Variants in FHDC1 observed in about 807,000 individuals in gnomAD.
FHDC1 encodes FH2 domain containing 1, also known as FH2 domain-containing protein 1.
Under a neutral mutation model 52.6 loss-of-function variants are expected in FHDC1, and 25 were observed. The ratio of observed to expected loss-of-function variants is 0.48; its 90% CI spans 0.35 to 0.66. FHDC1 has a LOEUF of 0.66. FHDC1 is among the 30% of genes least tolerant of loss of function. FHDC1 has a pLI of 0.01. For missense variants in FHDC1, 1,459 were observed against 1,452.8 expected (o/e 1.00, Z -0.07); for synonymous variants, 616 against 581.5 (o/e 1.06, Z -0.85).
intron 8 of FHDC1, 44 bp from the exon 9 acceptor site, chr4:152,964,861 C>T: frequency 2.0e-6 from 3 of 1,498,378 alleles, no homozygotes; most frequent in Non-Finnish European, 2.7e-6. Context: ...TATTTCCTTC[C>T]AGTTTTATCA....
chr4:152,942,940 A>G lies in FHDC1; in HGVS notation c.-118A>G. Reference sequence around the variant, plus strand: ...TTTATCTTGCTAGGTTTGGAAGAGGACAGTTGCCCTTTATTCTGGCGGCAG... The same window carrying G: ...TTTATCTTGCTAGGTTTGGAAGAGGGCAGTTGCCCTTTATTCTGGCGGCAG... On this transcript the variant is annotated 5_prime_UTR_variant, in exon 2 of 12. Transcript: ENST00000511601. 11 of 1,079,814 alleles carry G rather than the reference A, an allele frequency of 1.0e-5. No homozygotes were observed. The highest frequency in any genetic ancestry group is 1.5e-5 in the Non-Finnish European group (11 of 746,136). 66.9% of individuals were successfully genotyped at this position (1,079,814 alleles called of 1,614,324 possible).
At chr4:152,953,183 T>C (rs947890800) in intron 2 of FHDC1, among the ~76,000 whole-genome samples, 2 of 152,094 alleles carry the variant, frequency 1.3e-5, no homozygotes, top group African/African-American at 4.8e-5. Context: ...AAACTCATAG[T>C]AAACTTGAAA....
In FHDC1 at chr4:152,963,769, GTTTTTTTTTTTTTTTTT is replaced by G. The variant is rs58783965; in HGVS notation, c.1029+657_1029+673del. Among the ~76,000 whole-genome samples the G allele has an allele frequency of 4.7e-3, 243 of 51,808 alleles. 2 individuals are homozygous for G. Among genetic ancestry groups the G allele is most frequent in the African/African-American group, 0.015 (230 of 15,450 alleles). The allele number at this position is 51,808 out of a possible 152,430, so 34.0% of individuals were successfully genotyped here. ...GGAGTCTGATCCTATCCATTGCTTT[GTTTTTTTTTTTTTTTTT>G]TTTTTTTTTTTTTTTTTGACTGGAT... On this transcript the variant is annotated intron_variant, in intron 8 of 11. Coordinates refer to ENST00000511601, the MANE Select transcript of FHDC1 (RefSeq NM_001371116.1).
At chr4:152,953,430 AT>A in intron 2 of FHDC1, 68 bp from the exon 3 acceptor site, 1 of 1,304,014 alleles carries the variant, frequency 7.7e-7, no homozygotes, top group Admixed American at 1.8e-5. Flanking sequence ...ATCGGTTTTA[AT>A]TATCTTCTTT....
chr4:152,943,447 T>A lies in FHDC1; in HGVS notation c.390T>A (p.Asp130Glu). The A allele has an allele frequency of 6.2e-7, 1 of 1,614,082 alleles. No homozygotes were observed. The highest frequency in any genetic ancestry group is 8.5e-7 in the Non-Finnish European group (1 of 1,180,006). Reference protein sequence around the residue: ...AARQEHHYQIDTKTIEELFGQ... With the variant: ...AARQEHHYQIETKTIEELFGQ... ...GGCAGGAACATCACTACCAAATTGATACAAAGACCATTGAGGAGCTCTTTG... is the reference window on the plus strand; with the variant it reads ...GGCAGGAACATCACTACCAAATTGAAACAAAGACCATTGAGGAGCTCTTTG... The change falls in exon 2 of 12, where the codon GAT (aspartate) becomes GAA (glutamate). Residue 130 changes from aspartate to glutamate, a missense_variant. Physicochemically the swap from Asp to Glu is conservative, Grantham distance 45. This residue lies in a region of FHDC1 where 513 missense variants were observed against 581.5 expected (regional missense o/e 0.88). Transcript: ENST00000511601.
intron 1 of FHDC1, among the ~76,000 whole-genome samples, chr4:152,940,626 C>T (rs1021508919): frequency 6.6e-6 from 1 of 152,220 alleles, no homozygotes; most frequent in African/African-American, 2.4e-5. Flanking sequence ...ATATACAGCA[C>T]TGAATGAGTT....
the FHDC1 span, chr4:152,927,730 A>G: frequency 1.4e-6 from 2 of 1,463,470 alleles, no homozygotes; most frequent in East Asian, 4.5e-5. Flanking sequence ...AGGTTTCTCG[A>G]CAGCAGGAAC....
At chr4:152,943,824 T>G (rs1323251387) in intron 2 of FHDC1, among the ~76,000 whole-genome samples, 3 of 152,116 alleles carry the variant, frequency 2.0e-5, no homozygotes, top group Non-Finnish European at 4.4e-5. Flanking sequence ...ACTGCCCCTA[T>G]CTCTAGCACA....
At chr4:152,918,832 G>A in the FHDC1 span, among the ~76,000 whole-genome samples, 9 of 152,300 alleles carry the variant, frequency 5.9e-5, no homozygotes, top group East Asian at 1.5e-3. Flanking sequence ...TTAACTCACT[G>A]GTACTATCAA....
chr4:152,934,271 A>T (rs984182004), upstream of FHDC1, among the ~76,000 whole-genome samples: 2 of 152,244 alleles, frequency 1.3e-5, no homozygotes, highest in Non-Finnish European at 2.9e-5. Flanking sequence ...AGGAAAAGCT[A>T]GGATTTCAAA....
intron 1 of FHDC1, among the ~76,000 whole-genome samples, chr4:152,941,973 T>C (rs1431396161): frequency 1.3e-5 from 2 of 152,162 alleles, no homozygotes; most frequent in East Asian, 3.8e-4. Flanking sequence ...AATTTAGTAG[T>C]TTTGACCTCT....
chr4:152,956,188 T>C (rs1740079258), intron 4 of FHDC1, among the ~76,000 whole-genome samples: 1 of 152,224 alleles, frequency 6.6e-6, no homozygotes, highest in South Asian at 2.1e-4. Context: ...TTTAAAATGA[T>C]GTACTTGCTC....
rs746800334 is a variant in FHDC1 at position 152,976,624 on chromosome 4, C to G, written c.3333C>G (p.Ala1111=). 2 of 1,607,548 alleles carry G rather than the reference C, an allele frequency of 1.2e-6. No individual in the cohort carries two copies. The change falls in exon 12 of 12, where the codon GCC becomes GCG. Residue 1111 remains alanine (A), a synonymous_variant. Coordinates refer to ENST00000511601, the MANE Select transcript of FHDC1 (RefSeq NM_001371116.1). ...SAEGPSANTE[A]PLKARGAGER... is the part of the protein sequence containing the mutation. ...AGGGTCCCAGTGCCAACACGGAGGCCCCTCTGAAGGCCAGAGGGGCTGGGG... is the reference window on the plus strand; with the variant it reads ...AGGGTCCCAGTGCCAACACGGAGGCGCCTCTGAAGGCCAGAGGGGCTGGGG...
rs925246133 is a variant in FHDC1 at position 152,936,330 on chromosome 4, G to C, written c.-210G>C. The C allele has an allele frequency of 2.6e-5, 4 of 152,238 alleles. No individual in the cohort carries two copies. The highest frequency in any genetic ancestry group is 1.9e-4 in the East Asian group (1 of 5,180). The allele number at this position is 152,238 out of a possible 1,614,324, so 9.4% of individuals were successfully genotyped here. ...AGGGTTGGCTGGGCCTGCAGTGACC[G>C]GGAGGAGGCGGCTACGCCGACACAA... On this transcript the variant is annotated 5_prime_UTR_variant, in exon 1 of 12. Coordinates refer to ENST00000511601, the MANE Select transcript of FHDC1 (RefSeq NM_001371116.1).
Position 152,974,701 on chromosome 4 carries a change from G to A in FHDC1, c.1410G>A (p.Glu470=), listed in dbSNP as rs1293489956. Residue 470 remains glutamate, a synonymous_variant, in exon 12 of 12, where the codon GAG becomes GAA. Transcript: ENST00000511601. The stretch of plus-strand genomic sequence containing the variant: ...ACAACCACGACCGGGAGGCGCAGGA[G>A]CTGAGGCAGCTGCAGAGGCTGAAGG... ...VKDNHDREAQ[E]LRQLQRLKEQ... The A allele has an allele frequency of 4.0e-6, 6 of 1,511,870 alleles. No individual in the cohort carries two copies. The highest frequency in any genetic ancestry group is 1.4e-5 in the African/African-American group (1 of 71,578). The allele number at this position is 1,511,870 out of a possible 1,614,324, so 93.7% of individuals were successfully genotyped here. A position where few individuals can be genotyped will look rare whatever the true frequency, so the allele number is the denominator to read the frequency against.
the FHDC1 span, among the ~76,000 whole-genome samples, chr4:152,920,504 G>T: frequency 1.1e-4 from 16 of 152,284 alleles, 1 homozygote; most frequent in South Asian, 3.1e-3. Context: ...TGTTTCCTGA[G>T]TCATAGTGAA....
In FHDC1 at chr4:152,943,473, G is replaced by C; in HGVS notation, c.416G>C (p.Gly139Ala). Residue 139 changes from glycine (G) to alanine (A), a missense_variant, in exon 2 of 12, where the codon GGG (glycine) becomes GCG (alanine). Transcript: ENST00000511601. The stretch of plus-strand genomic sequence containing the variant: ...ACAAAGACCATTGAGGAGCTCTTTG[G>C]GCAGCAGGAAGACACCACCAAGTCT... ...IDTKTIEELF[G>A]QQEDTTKSSL... 6.2e-7 allele frequency: 1 copy of C among 1,614,038 alleles called. No homozygotes were observed. Among genetic ancestry groups the C allele is most frequent in the Non-Finnish European group, 8.5e-7 (1 of 1,180,018 alleles).
In FHDC1 at chr4:152,978,228, A is replaced by G. The variant is rs1432907918; in HGVS notation, c.*1505A>G. 1 of 152,202 alleles carries G rather than the reference A, an allele frequency of 6.6e-6. No homozygotes were observed. The highest frequency in any genetic ancestry group is 1.5e-5 in the Non-Finnish European group (1 of 68,058). The allele number at this position is 152,202 out of a possible 1,614,324, so 9.4% of individuals were successfully genotyped here. A position where few individuals can be genotyped will look rare whatever the true frequency, so the allele number is the denominator to read the frequency against. On this transcript the variant is annotated 3_prime_UTR_variant, in exon 12 of 12. Transcript: ENST00000511601. The stretch of plus-strand genomic sequence containing the variant: ...GTTATAAAACTGAGTGAAGGCTGCT[A>G]TGACCTGTGTTCACTCTGGTTACAG...
chr4:152,974,070 G>C (rs1740759143), intron 11 of FHDC1, among the ~76,000 whole-genome samples: 1 of 152,358 alleles, frequency 6.6e-6, no homozygotes, highest in African/African-American at 2.4e-5. Flanking sequence ...TCAGGGAACA[G>C]AGCTGAACAG....
Sources: gnomAD v4.1 joint callset for allele counts (sites outside exome capture counted in the v4.1 genomes callset) on GRCh38, gnomAD v4.1.1 for gene constraint, gnomAD v4.1.1 regional missense constraint, MANE v1.5 for transcripts, NCBI Gene and HGNC (gene_info 2026-07-23, HGNC 2026-07-21) for gene names.